Variants in DOCK2 observed in about 807,000 individuals in gnomAD.
DOCK2 encodes dedicator of cytokinesis 2, also known as dedicator of cytokinesis protein 2.
In DOCK2, 87 loss-of-function variants were observed where a neutral mutation model predicts 248.9. The ratio of observed to expected loss-of-function variants is 0.35; its 90% CI spans 0.29 to 0.42. The LOEUF (loss-of-function observed/expected upper bound fraction) is 0.42. Ranked by LOEUF, DOCK2 falls within the 10% of genes least tolerant of loss-of-function variation. DOCK2 has a pLI of 1.00. For missense variants in DOCK2, 1,747 were observed against 2,300.2 expected, an observed-to-expected ratio of 0.76 and a Z score of 4.92; for synonymous variants, 805 against 821.6, an observed-to-expected ratio of 0.98 and a Z score of 0.35.
At chr5:169,814,655 C>A (rs1053516814) in intron 26 of DOCK2, among the ~76,000 whole-genome samples, 1 of 151,996 alleles carries the variant, frequency 6.6e-6, no homozygotes, top group Non-Finnish European at 1.5e-5. Flanking sequence ...CTATGCAACT[C>A]GCTAGGAATT....
At chr5:170,055,961 C>T (rs963280009) in intron 42 of DOCK2, among the ~76,000 whole-genome samples, 3 of 152,224 alleles carry the variant, frequency 2.0e-5, no homozygotes, top group African/African-American at 7.2e-5. Flanking sequence ...AGGCTGTATG[C>T]CTCCCAGCTG....
chr5:169,913,184 C>T (rs190582003), intron 27 of DOCK2, among the ~76,000 whole-genome samples: 14 of 152,266 alleles, frequency 9.2e-5, no homozygotes, highest in Admixed American at 8.5e-4. Context: ...AGTGTTCTAG[C>T]GGAGTCGGAA....
chr5:169,874,697 T>TTACTC (rs1772213505), intron 27 of DOCK2, among the ~76,000 whole-genome samples: 1 of 152,178 alleles, frequency 6.6e-6, no homozygotes, highest in Non-Finnish European at 1.5e-5. Flanking sequence ...TAGGCTTTAA[T>TTACTC]TACTCTCAAC....
intron 26 of DOCK2, among the ~76,000 whole-genome samples, chr5:169,810,067 C>T (rs1767642567): frequency 1.3e-5 from 2 of 152,132 alleles, no homozygotes; most frequent in Admixed American, 6.5e-5. Flanking sequence ...CTACCCCCCG[C>T]CCACCCCAGC....
At chr5:169,780,196 G>A (rs1237879837) in intron 25 of DOCK2, among the ~76,000 whole-genome samples, 1 of 152,086 alleles carries the variant, frequency 6.6e-6, no homozygotes, top group Non-Finnish European at 1.5e-5. Flanking sequence ...CCTGGTGATT[G>A]CCACCTTCCC....
intron 32 of DOCK2, among the ~76,000 whole-genome samples, chr5:170,018,505 A>G (rs1466662606): frequency 6.6e-6 from 1 of 152,246 alleles, no homozygotes; most frequent in African/African-American, 2.4e-5. Flanking sequence ...ACACTATTAT[A>G]GCGAGTTCTT....
At chr5:169,696,886 A>G (rs994226878) in intron 10 of DOCK2, among the ~76,000 whole-genome samples, 3 of 150,448 alleles carry the variant, frequency 2.0e-5, no homozygotes, top group African/African-American at 4.9e-5. Flanking sequence ...TTGGGCAAGC[A>G]TTTTCCCCAG....
intron 48 of DOCK2, among the ~76,000 whole-genome samples, chr5:170,078,372 G>A (rs1243943112): frequency 6.6e-6 from 1 of 152,166 alleles, no homozygotes; most frequent in African/African-American, 2.4e-5. Context: ...GGTTACTCTT[G>A]CCCAGAGGGA....
At chr5:170,006,693 C>T (rs1755044201) in intron 30 of DOCK2, among the ~76,000 whole-genome samples, 1 of 152,168 alleles carries the variant, frequency 6.6e-6, no homozygotes, top group South Asian at 2.1e-4. Context: ...AGCATTCACT[C>T]AACAAAATGT....
At chr5:169,811,453 T>C (rs1011092406) in intron 26 of DOCK2, among the ~76,000 whole-genome samples, 1 of 152,222 alleles carries the variant, frequency 6.6e-6, no homozygotes, top group Admixed American at 6.5e-5. Context: ...TGAAATTCTT[T>C]TGTCTATGGT....
At chr5:169,985,429 C>A (rs921166586) in intron 28 of DOCK2, among the ~76,000 whole-genome samples, 8 of 150,996 alleles carry the variant, frequency 5.3e-5, no homozygotes, top group Non-Finnish European at 1.2e-4. Flanking sequence ...GTATTTACAG[C>A]ACTGCTAATT....
At chr5:170,026,929 A>G (rs1029508593) in intron 33 of DOCK2, among the ~76,000 whole-genome samples, 10 of 152,186 alleles carry the variant, frequency 6.6e-5, no homozygotes, top group African/African-American at 2.4e-4. Context: ...GTTGCAGGGA[A>G]CAAAACTCCA....
At chr5:169,819,336 C>A (rs1768271806) in intron 26 of DOCK2, among the ~76,000 whole-genome samples, 1 of 151,870 alleles carries the variant, frequency 6.6e-6, no homozygotes, top group Non-Finnish European at 1.5e-5. Context: ...CAAAACTTTC[C>A]TTTGCTGGCC....
At chr5:169,902,837 C>T (rs537945882) in intron 27 of DOCK2, among the ~76,000 whole-genome samples, 6 of 152,252 alleles carry the variant, frequency 3.9e-5, no homozygotes, top group South Asian at 4.1e-4. Flanking sequence ...TGGTGGCTCA[C>T]GCCTGTAATC....
intron 46 of DOCK2, among the ~76,000 whole-genome samples, chr5:170,070,455 C>T (rs1242571748): frequency 6.6e-6 from 1 of 152,200 alleles, no homozygotes; most frequent in Admixed American, 6.5e-5. Context: ...CGCGCTTTTC[C>T]CGAATGCATG....
intron 27 of DOCK2, among the ~76,000 whole-genome samples, chr5:169,876,911 A>G (rs547543810): frequency 2.1e-4 from 32 of 152,316 alleles, no homozygotes; most frequent in African/African-American, 6.0e-4. Context: ...AGCACCAAGT[A>G]TGTATGAGAC....
Position 169,879,275 on chromosome 5 carries a change from TGGG to T in DOCK2, c.2799+38425_2799+38427del, listed in dbSNP as rs1363198259. ...AGAGAGATCACGGCTTAACAAGGCC[TGGG>T]GATGAGTATTTCACATCACTTATTC... On this transcript the variant is annotated intron_variant, in intron 27 of 51. Transcript: ENST00000520908. Among the ~76,000 whole-genome samples, 224 of 152,340 alleles carry T rather than the reference TGGG, an allele frequency of 1.5e-3. 1 individual carries two copies. The highest frequency in any genetic ancestry group is 4.7e-3 in the African/African-American group (196 of 41,578).
intron 27 of DOCK2, among the ~76,000 whole-genome samples, chr5:169,927,597 T>C (rs376197789): frequency 1.3e-5 from 2 of 152,158 alleles, no homozygotes; most frequent in Non-Finnish European, 2.9e-5. Context: ...TCCTGTGTGA[T>C]CAGGAGGTAA....
chr5:170,012,751 C>T (rs546401122), intron 32 of DOCK2, among the ~76,000 whole-genome samples: 4 of 152,304 alleles, frequency 2.6e-5, no homozygotes, highest in South Asian at 2.1e-4. Flanking sequence ...GATTTCTGCT[C>T]GGCATGAAGA....
Sources: gnomAD v4.1 joint callset for allele counts (sites outside exome capture counted in the v4.1 genomes callset) on GRCh38, gnomAD v4.1.1 for gene constraint, MANE v1.5 for transcripts, NCBI Gene and HGNC (gene_info 2026-07-23, HGNC 2026-07-21) for gene names.